SLC71A2: variants seen among roughly 807,000 people sequenced by gnomAD.
The protein encoded by SLC71A2 is solute carrier family 71 member 2.
the SLC71A2 span, among the ~76,000 whole-genome samples, chr9:94,421,516 G>A: frequency 4.6e-5 from 7 of 152,220 alleles, no homozygotes; most frequent in Non-Finnish European, 2.9e-5. Context: ...GTTGTATGTA[G>A]CAACATTTCA....
the SLC71A2 span, among the ~76,000 whole-genome samples, chr9:94,451,229 G>A: frequency 6.6e-6 from 1 of 152,144 alleles, no homozygotes; most frequent in African/African-American, 2.4e-5. Flanking sequence ...ACATATAATA[G>A]AAAATGTCTA....
chr9:94,443,510 T>C, the SLC71A2 span, among the ~76,000 whole-genome samples: 5 of 150,514 alleles, frequency 3.3e-5, no homozygotes, highest in African/African-American at 9.7e-5. Flanking sequence ...GCTACGGCAA[T>C]GATTAGTCAT....
the SLC71A2 span, among the ~76,000 whole-genome samples, chr9:94,380,369 G>A: frequency 1.8e-3 from 264 of 147,666 alleles, no homozygotes; most frequent in African/African-American, 6.3e-3. Flanking sequence ...ACTTTCACAA[G>A]TGGTTATGAA....
the SLC71A2 span, among the ~76,000 whole-genome samples, chr9:94,442,893 C>T: frequency 4.6e-5 from 7 of 151,738 alleles, no homozygotes; most frequent in South Asian, 2.1e-4. Flanking sequence ...AACCTCCCCC[C>T]GCCCTGCCAA....
the SLC71A2 span, among the ~76,000 whole-genome samples, chr9:94,451,985 C>T: frequency 3.3e-5 from 5 of 152,292 alleles, no homozygotes; most frequent in East Asian, 5.8e-4. Context: ...CTCTGGTGCT[C>T]CCCTTGCACC....
chr9:94,444,436 T>A, the SLC71A2 span, among the ~76,000 whole-genome samples: 1 of 152,202 alleles, frequency 6.6e-6, no homozygotes, highest in African/African-American at 2.4e-5. Context: ...TAGCAGAGGG[T>A]TCCCCCTGAC....
At chr9:94,427,454 C>A in the SLC71A2 span, among the ~76,000 whole-genome samples, 1 of 151,268 alleles carries the variant, frequency 6.6e-6, no homozygotes, top group Non-Finnish European at 1.5e-5. Flanking sequence ...TGTATTTTGT[C>A]ATTCATCCAT....
At chr9:94,456,659 G>A in the SLC71A2 span, among the ~76,000 whole-genome samples, 1 of 152,094 alleles carries the variant, frequency 6.6e-6, no homozygotes. Context: ...CATTTTAACA[G>A]ATGTCTATTA....
At chr9:94,458,755 A>C in the SLC71A2 span, among the ~76,000 whole-genome samples, 1 of 152,218 alleles carries the variant, frequency 6.6e-6, no homozygotes, top group Non-Finnish European at 1.5e-5. Flanking sequence ...TGACCTAAAA[A>C]TCCAGCTAAA....
chr9:94,406,299 G>A, the SLC71A2 span, among the ~76,000 whole-genome samples: 1 of 152,106 alleles, frequency 6.6e-6, no homozygotes, highest in Non-Finnish European at 1.5e-5. Flanking sequence ...GGGTGCAGTG[G>A]CGCAATCTCG....
At chr9:94,439,496 C>G in the SLC71A2 span, among the ~76,000 whole-genome samples, 1 of 151,330 alleles carries the variant, frequency 6.6e-6, no homozygotes, top group African/African-American at 2.4e-5. Context: ...GTGAAGAACA[C>G]ACTTACATAT....
the SLC71A2 span, among the ~76,000 whole-genome samples, chr9:94,428,614 C>A: frequency 3.6e-5 from 4 of 110,356 alleles, no homozygotes; most frequent in African/African-American, 3.8e-5. Flanking sequence ...TTTTTTTTTA[C>A]TATGGACATT....
chr9:94,394,406 A>G, the SLC71A2 span, among the ~76,000 whole-genome samples: 1 of 96,426 alleles, frequency 1.0e-5, no homozygotes, highest in African/African-American at 2.8e-5. Flanking sequence ...AAAATGGTTC[A>G]TCTTCTACAT....
the SLC71A2 span, among the ~76,000 whole-genome samples, chr9:94,408,162 A>G: frequency 2.6e-5 from 4 of 152,210 alleles, no homozygotes; most frequent in African/African-American, 9.7e-5. Context: ...CTTTACCTTG[A>G]TGCAAAAGCA....
At chr9:94,447,283 G>A in the SLC71A2 span, among the ~76,000 whole-genome samples, 50 of 151,758 alleles carry the variant, frequency 3.3e-4, no homozygotes, top group African/African-American at 1.0e-3. Context: ...GAGTTCAAGC[G>A]ATTCTCCTGT....
At chr9:94,431,276 G>A in the SLC71A2 span, among the ~76,000 whole-genome samples, 2 of 150,692 alleles carry the variant, frequency 1.3e-5, 1 homozygote, top group South Asian at 4.2e-4. Flanking sequence ...TTGTGCCACT[G>A]CACTCCAGCC....
At chr9:94,397,206 A>G in the SLC71A2 span, among the ~76,000 whole-genome samples, 1 of 152,220 alleles carries the variant, frequency 6.6e-6, no homozygotes, top group Non-Finnish European at 1.5e-5. Context: ...AAAATTGCAG[A>G]TAGCATAGAG....
the SLC71A2 span, among the ~76,000 whole-genome samples, chr9:94,449,086 A>C: frequency 7.9e-5 from 12 of 152,254 alleles, no homozygotes; most frequent in African/African-American, 2.9e-4. Flanking sequence ...TAATGTAGGA[A>C]GATGAGACAG....
At chr9:94,396,584 G>T in the SLC71A2 span, among the ~76,000 whole-genome samples, 1 of 152,044 alleles carries the variant, frequency 6.6e-6, no homozygotes, top group South Asian at 2.1e-4. Context: ...AAAGGACCTG[G>T]TAATAAATGT....
Sources: gnomAD v4.1 joint callset for allele counts (sites outside exome capture counted in the v4.1 genomes callset) on GRCh38, gnomAD v4.1.1 for gene constraint, MANE v1.5 for transcripts, NCBI Gene and HGNC (gene_info 2026-07-23, HGNC 2026-07-21) for gene names.